VWCE: variants seen among roughly 807,000 people sequenced by gnomAD.
VWCE encodes the protein von Willebrand factor C and EGF domains.
In VWCE, 68 loss-of-function variants were observed where a neutral mutation model predicts 102.9. The observed-to-expected ratio is 0.66, with a 90% CI of 0.54 to 0.81. The LOEUF is 0.81. Ranked by LOEUF, VWCE falls within the 30% of genes least tolerant of loss-of-function variation. VWCE has a pLI of 0.00. For synonymous variants in VWCE, 497 were observed against 515.4 expected (o/e 0.96, Z 0.48); for missense variants, 1,137 against 1,263.6 (o/e 0.90, Z 1.52).
At chr11:61,261,542 G>C (rs1854359981) in intron 19 of VWCE, among the ~76,000 whole-genome samples, 1 of 151,696 alleles carries the variant, frequency 6.6e-6, no homozygotes, top group Non-Finnish European at 1.5e-5. Flanking sequence ...CAGGAGTTGG[G>C]ACCAGCCTGG....
chr11:61,269,062 G>A (rs554246331), intron 14 of VWCE, 44 bp from the exon 15 acceptor site: 42 of 1,576,094 alleles, frequency 2.7e-5, no homozygotes, highest in South Asian at 1.8e-4. Flanking sequence ...CGGTGACACC[G>A]GCCCCTGCCT....
At chr11:61,262,306 G>A (rs936306589) in intron 19 of VWCE, among the ~76,000 whole-genome samples, 7 of 152,124 alleles carry the variant, frequency 4.6e-5, no homozygotes, top group East Asian at 1.9e-4. Context: ...AGGAGGGCAC[G>A]GTGGGAAAGA....
Position 61,291,320 on chromosome 11 carries a change from C to G in VWCE, c.239G>C (p.Cys80Ser). The G allele has an allele frequency of 1.9e-6, 3 of 1,612,218 alleles. No homozygotes were observed. Among genetic ancestry groups the G allele is most frequent in the Non-Finnish European group, 1.7e-6 (2 of 1,179,086 alleles). ...GCAGGAGCAGACATTGGGAGCGATG[C>G]AGATGCCACTCCCACAGCCGAAGGA... ...LCSFGCGSGI[C>S]IAPNVCSCQD... is the part of the protein sequence containing the mutation. Residue 80 changes from cysteine to serine, a missense_variant, in exon 3 of 20, where the codon TGC becomes TCC. Coordinates refer to ENST00000335613, the MANE Select transcript of VWCE (RefSeq NM_152718.2).
intron 16 of VWCE, among the ~76,000 whole-genome samples, chr11:61,266,895 A>C (rs1854531107): frequency 6.6e-6 from 1 of 152,204 alleles, no homozygotes; most frequent in East Asian, 1.9e-4. Flanking sequence ...CTCCACCCTC[A>C]TCAAGAATCC....
rs1855109637 is a variant in VWCE at position 61,281,027 on chromosome 11, G to A, written c.996C>T (p.Ala332=). ...TPRLPTSSPS[A]PVWLLSTLLA... ...GCAGGGTGGACAGCAGCCACACAGG[G>A]GCAGAAGGGGAGGATGTGGGTAGTC... The change falls in exon 8 of 20, where the codon GCC becomes GCT. Residue 332 remains alanine (A), a synonymous_variant. Transcript: ENST00000335613. 6.3e-7 allele frequency: 1 copy of A among 1,575,806 alleles called. No individual in the cohort carries two copies. Among genetic ancestry groups the A allele is most frequent in the East Asian group, 2.2e-5 (1 of 44,574 alleles).
At chr11:61,282,205 A>G (rs962095193) in intron 6 of VWCE, among the ~76,000 whole-genome samples, 2 of 152,226 alleles carry the variant, frequency 1.3e-5, no homozygotes, top group African/African-American at 4.8e-5. Flanking sequence ...GTAAGCCCCA[A>G]TGAGAAGCTC....
Position 61,281,221 on chromosome 11 carries a change from C to A in VWCE, c.802G>T (p.Val268Leu). The A allele has an allele frequency of 6.2e-7, 1 of 1,612,472 alleles. No individual in the cohort carries two copies. The highest frequency in any genetic ancestry group is 8.5e-7 in the Non-Finnish European group (1 of 1,179,938). Residue 268 changes from valine to leucine, a missense_variant, in exon 8 of 20, where the codon GTG (valine) becomes TTG (leucine). Val to Leu is a conservative substitution (Grantham distance 32). Transcript: ENST00000335613. Reference protein sequence around the residue: ...RVSCEAFPKAVLAPSAILQPR... With the variant: ...RVSCEAFPKALLAPSAILQPR... ...TGCAGGATGGCAGATGGGGCCAGCA[C>A]GGCTTTCGGGAAAGCTGAAACAGAA...
At chr11:61,264,727 G>A (rs1052840319) in intron 18 of VWCE, 150 bp from the exon 19 acceptor site, 3 of 972,690 alleles carry the variant, frequency 3.1e-6, no homozygotes, top group Admixed American at 2.5e-5. Flanking sequence ...CTGGAGAACA[G>A]GTAAAGCCAG....
intron 9 of VWCE, among the ~76,000 whole-genome samples, chr11:61,279,439 G>C (rs1855045452): frequency 6.6e-6 from 1 of 152,042 alleles, no homozygotes; most frequent in Admixed American, 6.6e-5. Flanking sequence ...GCCAGGCTTG[G>C]TGGTGGGTGG....
chr11:61,273,176 G>A lies in VWCE; in HGVS notation c.1699+23C>T, dbSNP rs78582487. 8,929 of 1,609,684 alleles carry A rather than the reference G, an allele frequency of 5.5e-3. 182 individuals carry two copies. The highest frequency in any genetic ancestry group is 0.054 in the African/African-American group (4,020 of 74,930). Reference sequence around the variant, plus strand: ...CTCCCCAGTATCCATGCCCTGTGTCGGGGCAGCCCTGGACCAGCTCACCTG... The same window carrying A: ...CTCCCCAGTATCCATGCCCTGTGTCAGGGCAGCCCTGGACCAGCTCACCTG... On this transcript the variant is annotated intron_variant, in intron 13 of 19. Transcript: ENST00000335613.
At chr11:61,280,401 A>T (rs1342039886) in intron 9 of VWCE, among the ~76,000 whole-genome samples, 1 of 152,044 alleles carries the variant, frequency 6.6e-6, no homozygotes, top group East Asian at 1.9e-4. Flanking sequence ...TAGACCAGCC[A>T]CGTCAGTATC....
chr11:61,281,352 G>A (rs1590644592), intron 7 of VWCE, 117 bp from the exon 8 acceptor site: 4 of 1,230,964 alleles, frequency 3.2e-6, no homozygotes, highest in Non-Finnish European at 3.4e-6. Flanking sequence ...CGTGGTCTGC[G>A]CAACATTCTA....
At position 61,275,386 on chromosome 11, in the gene VWCE, C is replaced by A. The variant is rs144194637; in HGVS notation, c.1496-802G>T. On this transcript the variant is annotated intron_variant, in intron 11 of 19. Coordinates refer to ENST00000335613, the MANE Select transcript of VWCE (RefSeq NM_152718.2). ...CACCAGGGAATGACTTTGGGCAACA[C>A]ACTTAAAGCTCTCTAAGCCTCAGTT... Among the ~76,000 whole-genome samples, 604 of 152,246 alleles carry A rather than the reference C, an allele frequency of 4.0e-3. 1 individual carries two copies. The highest frequency in any genetic ancestry group is 6.5e-3 in the Non-Finnish European group (442 of 68,022).
intron 9 of VWCE, among the ~76,000 whole-genome samples, chr11:61,280,261 T>C (rs1341654777): frequency 6.6e-6 from 1 of 152,030 alleles, no homozygotes; most frequent in Non-Finnish European, 1.5e-5. Flanking sequence ...ACAGTGGATT[T>C]AAAGAGGCTC....
chr11:61,267,768 G>C (rs1854557323), intron 15 of VWCE, among the ~76,000 whole-genome samples: 1 of 152,136 alleles, frequency 6.6e-6, no homozygotes, highest in Non-Finnish European at 1.5e-5. Context: ...CAAGTGTCTT[G>C]GCCTCAGTGT....
chr11:61,282,964 T>C (rs1204058742), intron 5 of VWCE, 59 bp from the exon 6 acceptor site: 7 of 1,427,990 alleles, frequency 4.9e-6, no homozygotes, highest in Non-Finnish European at 5.9e-6. Flanking sequence ...TGGAAATATA[T>C]GGTCCCCTCT....
chr11:61,292,225 CAAAA>C (rs1182596645), intron 1 of VWCE, among the ~76,000 whole-genome samples: 1 of 116,558 alleles, frequency 8.6e-6, no homozygotes, highest in Admixed American at 8.7e-5. Context: ...CGTCTCAAAA[CAAAA>C]AAAAAAAAAA....
At chr11:61,276,444 T>C (rs1854910214) in intron 11 of VWCE, 149 bp downstream of exon 11, 3 of 522,016 alleles carry the variant, frequency 5.7e-6, no homozygotes, top group Admixed American at 8.0e-5. Context: ...AAAACTGGGC[T>C]TGGGGGCTCA....
intron 7 of VWCE, among the ~76,000 whole-genome samples, chr11:61,281,508 G>A (rs1047887409): frequency 1.3e-5 from 2 of 152,226 alleles, no homozygotes; most frequent in Non-Finnish European, 2.9e-5. Context: ...ACAGTGAAAA[G>A]AAGAAGGAAG....
Sources: allele counts gnomAD v4.1 joint callset (sites outside exome capture counted in the v4.1 genomes callset), GRCh38; gene constraint gnomAD v4.1.1; transcripts MANE v1.5; gene names NCBI Gene and HGNC (gene_info 2026-07-23, HGNC 2026-07-21).